CRACD: variants seen among roughly 807,000 people sequenced by gnomAD.
CRACD encodes capping protein inhibiting regulator of actin dynamics.
CRACD carries 56 observed loss-of-function variants against 106.8 expected under a neutral mutation model. The ratio of observed to expected loss-of-function variants is 0.52; its 90% CI spans 0.42 to 0.66. The LOEUF is 0.66. CRACD is among the 30% of genes least tolerant of loss of function. The pLI, the probability that CRACD is intolerant of heterozygous loss-of-function variation, is 0.00. For synonymous variants in CRACD, 754 were observed against 670.8 expected, an observed-to-expected ratio of 1.12 and a Z score of -1.92; for missense variants, 1,730 against 1,623.2, an observed-to-expected ratio of 1.07 and a Z score of -1.13.
intron 8 of CRACD, among the ~76,000 whole-genome samples, chr4:56,322,847 G>A (rs1746188966): frequency 6.6e-6 from 1 of 152,138 alleles, no homozygotes; most frequent in Admixed American, 6.5e-5. Flanking sequence ...TGGCCAACAT[G>A]GTAAAAACCC....
At chr4:56,291,203 G>A (rs1401800508) in intron 3 of CRACD, among the ~76,000 whole-genome samples, 1 of 152,192 alleles carries the variant, frequency 6.6e-6, no homozygotes, top group East Asian at 1.9e-4. Flanking sequence ...CAGCATTGAA[G>A]CTGAAAGGCC....
Position 56,078,555 on chromosome 4 carries a change from C to T in CRACD, c.-336+29256C>T, listed in dbSNP as rs372457293. On this transcript the variant is annotated intron_variant, in intron 1 of 10. Coordinates refer to ENST00000682029, the MANE Select transcript of CRACD (RefSeq NM_001393381.1). The stretch of plus-strand genomic sequence containing the variant: ...CTGAATAGATGGCACTACAGGCATG[C>T]GCCACCATGCCTGACTGATTTTTTT... Among the ~76,000 whole-genome samples the T allele has an allele frequency of 6.3e-4, 96 of 152,226 alleles. 1 individual carries two copies. The highest frequency in any genetic ancestry group is 1.9e-3 in the African/African-American group (80 of 41,526).
intron 1 of CRACD, among the ~76,000 whole-genome samples, chr4:56,160,648 T>C (rs1246112361): frequency 6.6e-6 from 1 of 152,228 alleles, no homozygotes; most frequent in Non-Finnish European, 1.5e-5. Flanking sequence ...ATCAGCTATG[T>C]TGTCTTTGGG....
chr4:56,142,139 A>G (rs1005704866), intron 1 of CRACD, among the ~76,000 whole-genome samples: 2 of 152,216 alleles, frequency 1.3e-5, no homozygotes, highest in Admixed American at 1.3e-4. Context: ...TATTTTATTG[A>G]CTTTCTGTTT....
intron 1 of CRACD, among the ~76,000 whole-genome samples, chr4:56,075,556 T>C (rs181498708): frequency 0.01 from 1,540 of 152,260 alleles, 92 homozygotes; most frequent in Admixed American, 0.092. Context: ...TTTTTTATTG[T>C]GAATTCTAGA....
chr4:56,139,651 G>A (rs1291097874), intron 1 of CRACD, among the ~76,000 whole-genome samples: 1 of 152,176 alleles, frequency 6.6e-6, no homozygotes, highest in Non-Finnish European at 1.5e-5. Context: ...CAATGACAGT[G>A]TGAGAGGAAG....
intron 1 of CRACD, among the ~76,000 whole-genome samples, chr4:56,051,506 G>A (rs1424575608): frequency 6.6e-6 from 1 of 152,104 alleles, no homozygotes; most frequent in African/African-American, 2.4e-5. Flanking sequence ...ATGGCCTGTG[G>A]GGAGGCAGGG....
At chr4:56,133,722 G>T (rs1383740208) in intron 1 of CRACD, among the ~76,000 whole-genome samples, 1 of 152,156 alleles carries the variant, frequency 6.6e-6, no homozygotes, top group African/African-American at 2.4e-5. Context: ...TTGAAACAAG[G>T]ATATGATTTA....
chr4:56,086,308 C>T (rs1371496473), intron 1 of CRACD, among the ~76,000 whole-genome samples: 1 of 152,136 alleles, frequency 6.6e-6, no homozygotes, highest in Non-Finnish European at 1.5e-5. Flanking sequence ...GACAGGGTCT[C>T]ACTGTGTCAC....
intron 3 of CRACD, among the ~76,000 whole-genome samples, chr4:56,281,065 A>G (rs1743012214): frequency 6.6e-6 from 1 of 152,214 alleles, no homozygotes; most frequent in South Asian, 2.1e-4. Flanking sequence ...AAGAAGGTTG[A>G]TGAATCAGTT....
intron 3 of CRACD, among the ~76,000 whole-genome samples, chr4:56,282,304 G>A (rs1743082136): frequency 6.6e-6 from 1 of 152,150 alleles, no homozygotes. Flanking sequence ...AAAAGACAAA[G>A]GATAAGGAAT....
chr4:56,298,375 C>T (rs748540597), intron 4 of CRACD, 26 bp downstream of exon 4: 14 of 1,611,652 alleles, frequency 8.7e-6, no homozygotes, highest in East Asian at 6.7e-5. Context: ...AGTGGAATTA[C>T]GAGCCATAGG....
intron 2 of CRACD, among the ~76,000 whole-genome samples, chr4:56,262,214 G>A (rs922730117): frequency 6.6e-6 from 1 of 152,220 alleles, no homozygotes; most frequent in African/African-American, 2.4e-5. Context: ...GTGATGGAAG[G>A]AGAGTCATCT....
intron 1 of CRACD, among the ~76,000 whole-genome samples, chr4:56,127,483 A>T (rs188920893): frequency 2.0e-5 from 3 of 152,298 alleles, no homozygotes; most frequent in Middle Eastern, 3.4e-3. Flanking sequence ...TTTAAAAAGG[A>T]TAAATTTTTT....
intron 1 of CRACD, among the ~76,000 whole-genome samples, chr4:56,091,079 G>T (rs967601538): frequency 6.6e-6 from 1 of 151,800 alleles, no homozygotes; most frequent in Non-Finnish European, 1.5e-5. Context: ...TTGAGATGGG[G>T]TCTATCTCTG....
intron 1 of CRACD, among the ~76,000 whole-genome samples, chr4:56,126,641 T>G (rs1734668606): frequency 6.6e-6 from 1 of 152,230 alleles, no homozygotes; most frequent in Admixed American, 6.5e-5. Context: ...ATTTTGAGTC[T>G]TAGCCCATTT....
intron 2 of CRACD, among the ~76,000 whole-genome samples, chr4:56,202,904 A>G (rs979888741): frequency 6.6e-5 from 10 of 152,226 alleles, no homozygotes; most frequent in Admixed American, 1.3e-4. Flanking sequence ...TATGGTATCA[A>G]TTTGAAATTT....
At chr4:56,290,334 C>T (rs1265907798) in intron 3 of CRACD, among the ~76,000 whole-genome samples, 2 of 152,148 alleles carry the variant, frequency 1.3e-5, no homozygotes, top group Non-Finnish European at 2.9e-5. Flanking sequence ...AATAATATAG[C>T]ACAGAGCCCG....
At chr4:56,180,358 G>A (rs886558849) in intron 2 of CRACD, among the ~76,000 whole-genome samples, 1 of 152,038 alleles carries the variant, frequency 6.6e-6, no homozygotes, top group East Asian at 1.9e-4. Context: ...GCGTGATGGC[G>A]GGCGCCTGTA....
Sources: gnomAD v4.1 joint callset for allele counts (sites outside exome capture counted in the v4.1 genomes callset) on GRCh38, gnomAD v4.1.1 for gene constraint, MANE v1.5 for transcripts, NCBI Gene and HGNC (gene_info 2026-07-23, HGNC 2026-07-21) for gene names.